Variants in TYW1 observed in about 807,000 individuals in gnomAD.
TYW1 encodes S-adenosyl-L-methionine-dependent tRNA 4-demethylwyosine synthase TYW1.
TYW1 carries 46 observed loss-of-function variants against 96.2 expected under a neutral mutation model. The observed-to-expected ratio is 0.48, with a 90% CI of 0.38 to 0.61. The LOEUF is 0.61. Among genes scored for constraint, TYW1 ranks in the 20% least tolerant of loss-of-function variants. The pLI, the probability that TYW1 is intolerant of heterozygous loss-of-function variation, is 0.00. For synonymous variants in TYW1, 274 were observed against 323.0 expected (o/e 0.85, Z 1.63); for missense variants, 684 against 909.6 (o/e 0.75, Z 3.19).
chr7:67,081,783 T>C (rs1219959350), intron 10 of TYW1, among the ~76,000 whole-genome samples: 1 of 150,734 alleles, frequency 6.6e-6, no homozygotes, highest in Non-Finnish European at 1.5e-5. Context: ...TTTCCTTTTC[T>C]TTTTCTTTTC....
chr7:67,016,665 T>A (rs1307398835), intron 5 of TYW1, among the ~76,000 whole-genome samples: 1 of 152,176 alleles, frequency 6.6e-6, no homozygotes, highest in Non-Finnish European at 1.5e-5. Flanking sequence ...TGAGAGAGGG[T>A]CTCACCATGT....
At chr7:67,188,936 C>T (rs1800114567) in intron 14 of TYW1, among the ~76,000 whole-genome samples, 2 of 152,214 alleles carry the variant, frequency 1.3e-5, no homozygotes, top group South Asian at 4.1e-4. Context: ...AATGGAAACA[C>T]ACATGTATGT....
intron 15 of TYW1, among the ~76,000 whole-genome samples, chr7:67,235,587 A>T (rs1355642360): frequency 6.6e-6 from 1 of 152,094 alleles, no homozygotes; most frequent in African/African-American, 2.4e-5. Flanking sequence ...ATGGTCTTCT[A>T]GATTTGTTAA....
intron 1 of TYW1, among the ~76,000 whole-genome samples, 200 bp downstream of exon 1, chr7:66,997,182 G>T (rs1793196748): frequency 6.6e-6 from 1 of 152,198 alleles, no homozygotes; most frequent in Non-Finnish European, 1.5e-5. Flanking sequence ...AGGCTAGGGG[G>T]TTAGACAGAA....
At chr7:67,030,743 G>C (rs1325115043) in intron 7 of TYW1, among the ~76,000 whole-genome samples, 1 of 151,930 alleles carries the variant, frequency 6.6e-6, no homozygotes, top group African/African-American at 2.4e-5. Context: ...TAACAGATGA[G>C]CCCTGGGACA....
chr7:67,099,324 G>T (rs1477065348), intron 12 of TYW1, among the ~76,000 whole-genome samples: 1 of 152,196 alleles, frequency 6.6e-6, no homozygotes. Context: ...GAGCCACTGC[G>T]CCTGGCCTAA....
chr7:67,182,894 G>A (rs1194335972), intron 13 of TYW1, among the ~76,000 whole-genome samples: 1 of 151,494 alleles, frequency 6.6e-6, no homozygotes, highest in African/African-American at 2.4e-5. Context: ...AAATGTTGTG[G>A]GGAAGAGAAA....
intron 13 of TYW1, among the ~76,000 whole-genome samples, chr7:67,170,517 C>T (rs928253163): frequency 6.6e-6 from 1 of 152,174 alleles, no homozygotes; most frequent in Non-Finnish European, 1.5e-5. Context: ...GTAGCATTCA[C>T]GTAACATAAA....
At chr7:67,120,136 C>A (rs914779327) in intron 13 of TYW1, among the ~76,000 whole-genome samples, 2 of 151,594 alleles carry the variant, frequency 1.3e-5, no homozygotes, top group African/African-American at 4.9e-5. Flanking sequence ...GGCTGGTTTG[C>A]GGTGGTGTGA....
At chr7:67,078,053 G>C (rs1161719305) in intron 10 of TYW1, among the ~76,000 whole-genome samples, 1 of 151,858 alleles carries the variant, frequency 6.6e-6, no homozygotes, top group Admixed American at 6.6e-5. Context: ...TCAATACCAT[G>C]CTGCTTTGGT....
intron 11 of TYW1, among the ~76,000 whole-genome samples, chr7:67,088,093 G>A (rs1796605165): frequency 6.6e-6 from 1 of 152,108 alleles, no homozygotes. Context: ...TTGAACTCCT[G>A]GGCTCAAATG....
At chr7:67,165,480 A>G (rs1192719279) in intron 13 of TYW1, among the ~76,000 whole-genome samples, 2 of 151,506 alleles carry the variant, frequency 1.3e-5, no homozygotes, top group African/African-American at 4.9e-5. Context: ...ATTCCGTGTA[A>G]CCATCATCTT....
intron 12 of TYW1, among the ~76,000 whole-genome samples, chr7:67,101,057 C>T (rs181283514): frequency 6.6e-6 from 1 of 152,122 alleles, no homozygotes; most frequent in Non-Finnish European, 1.5e-5. Context: ...CTTTGTTGTG[C>T]TTATGTGGGA....
chr7:67,018,295 T>G (rs1186355857), intron 6 of TYW1, 152 bp downstream of exon 6: 1 of 1,114,980 alleles, frequency 9.0e-7, no homozygotes, highest in Non-Finnish European at 1.3e-6. Flanking sequence ...TCCCCACACT[T>G]TGGGAGACCA....
intron 7 of TYW1, among the ~76,000 whole-genome samples, chr7:67,037,123 G>A (rs1482180959): frequency 2.6e-5 from 4 of 152,084 alleles, no homozygotes; most frequent in Non-Finnish European, 5.9e-5. Flanking sequence ...CTGAATTTTG[G>A]GCTGATACCA....
rs367995808 is a variant in TYW1, at chr7:67,017,942, C to G, written c.660C>G (p.Ser220Arg). The G allele has an allele frequency of 2.5e-6, 4 of 1,614,036 alleles. No homozygotes were observed. The highest frequency in any genetic ancestry group is 2.2e-5 in the East Asian group (1 of 44,902). Reference protein sequence around the residue: ...RGEGDCDVVKSKHGSIEADFR... With the variant: ...RGEGDCDVVKRKHGSIEADFR... ...AGGGCGACTGCGACGTGGTTAAAAG[C>G]AAGCACGGCAGCATTGAGGCCGACT... The change falls in exon 6 of 16, where the codon AGC (serine) becomes AGG (arginine). Residue 220 changes from serine to arginine, a missense_variant. By Grantham distance (110) the Ser-to-Arg change is moderately radical. Transcript: ENST00000359626.
chr7:67,099,206 T>C (rs1018191675), intron 12 of TYW1, among the ~76,000 whole-genome samples: 17 of 151,844 alleles, frequency 1.1e-4, no homozygotes, highest in African/African-American at 3.9e-4. Context: ...TTTTATTTTA[T>C]TTTTTAATAG....
At chr7:67,206,413 C>G (rs1800799305) in intron 15 of TYW1, among the ~76,000 whole-genome samples, 1 of 151,992 alleles carries the variant, frequency 6.6e-6, no homozygotes, top group African/African-American at 2.4e-5. Flanking sequence ...GGTGGATCAC[C>G]TTAGGTCAGG....
chr7:67,164,416 C>G (rs1325679143), intron 13 of TYW1, among the ~76,000 whole-genome samples: 3 of 151,646 alleles, frequency 2.0e-5, no homozygotes, highest in African/African-American at 7.3e-5. Context: ...TCGAGACAAG[C>G]CTGGGCAACA....
Sources: allele counts gnomAD v4.1 joint callset (sites outside exome capture counted in the v4.1 genomes callset), GRCh38; gene constraint gnomAD v4.1.1; transcripts MANE v1.5; gene names NCBI Gene and HGNC (gene_info 2026-07-23, HGNC 2026-07-21).